The following ALDH2 variants were observed in gnomAD, a reference collection of about 807,000 sequenced individuals.
ALDH2 encodes the protein aldehyde dehydrogenase 2 family member, also known as aldehyde dehydrogenase, mitochondrial.
Under a neutral mutation model 59.6 loss-of-function variants are expected in ALDH2, and 44 were observed. The ratio of observed to expected loss-of-function variants is 0.74; its 90% CI spans 0.58 to 0.95. ALDH2 has a LOEUF of 0.95. ALDH2 is among the 40% of genes least tolerant of loss of function. The pLI, the probability that ALDH2 is intolerant of heterozygous loss-of-function variation, is 0.00. For missense variants in ALDH2, 570 were observed against 696.3 expected (o/e 0.82, Z 2.04); for synonymous variants, 291 against 284.0 (o/e 1.02, Z -0.25).
At chr12:111,774,138 T>C (rs775000726) in intron 1 of ALDH2, among the ~76,000 whole-genome samples, 19 of 152,056 alleles carry the variant, frequency 1.2e-4, no homozygotes, top group Non-Finnish European at 1.9e-4. Flanking sequence ...ACTCCCATCT[T>C]TGAAGTGGTG....
At chr12:111,797,934 C>A in intron 9 of ALDH2, 144 bp from the exon 10 acceptor site, 2 of 900,542 alleles carry the variant, frequency 2.2e-6, no homozygotes, top group Non-Finnish European at 1.7e-6. Context: ...TGCTATTGGC[C>A]CTGTGTGTTT....
At chr12:111,769,507 C>T (rs1376849920) in intron 1 of ALDH2, among the ~76,000 whole-genome samples, 1 of 151,718 alleles carries the variant, frequency 6.6e-6, no homozygotes, top group East Asian at 1.9e-4. Flanking sequence ...CTCTTGTAGA[C>T]ATTTTGTTTG....
In ALDH2 at chr12:111,813,795, G is replaced by A. The variant is rs2068552199; in HGVS notation, c.*4220G>A. 1 of 152,322 alleles carries A rather than the reference G, an allele frequency of 6.6e-6. No homozygotes were observed. Among genetic ancestry groups the A allele is most frequent in the African/African-American group, 2.4e-5 (1 of 41,566 alleles). The allele number at this position is 152,322 out of a possible 1,614,324, so 9.4% of individuals were successfully genotyped here. A position where few individuals can be genotyped will look rare whatever the true frequency, so the allele number is the denominator to read the frequency against. ...TATAGAGAGAAGGTCGATTGCTGGG[G>A]GCCCTGGGAAGGGACCAAGGGGGAG... On this transcript the variant is annotated 3_prime_UTR_variant, in exon 13 of 13. Transcript: ENST00000261733.
intron 4 of ALDH2, among the ~76,000 whole-genome samples, chr12:111,789,111 A>G (rs1390415329): frequency 7.1e-6 from 1 of 141,090 alleles, no homozygotes; most frequent in African/African-American, 2.6e-5. Flanking sequence ...TCCGCCTCCC[A>G]GGTTTAAGCC....
intron 1 of ALDH2, chr12:111,775,727 C>CGAGCTT (rs1566181760): frequency 2.2e-6 from 1 of 454,352 alleles, no homozygotes; most frequent in Non-Finnish European, 4.4e-6. Flanking sequence ...TTATGTAAGT[C>CGAGCTT]GAGCTTCGGG....
At position 111,789,935 on chromosome 12, in the gene ALDH2, G is replaced by T. The variant is rs199847950; in HGVS notation, c.552+1G>T. ...GGGGGTGTGCGGGCAGATCATTCCG[G>T]TGAGTCCAGCCTCCCTGGAGTTTCT... is the stretch of plus-strand genomic sequence containing the variant. On this transcript the variant is annotated splice_donor_variant, in intron 5 of 12. Transcript: ENST00000261733. LOFTEE classifies it high-confidence loss of function. 5.3e-5 allele frequency: 86 copies of T among 1,613,588 alleles called. No homozygotes were observed. In the Admixed American group the frequency reaches 1.4e-3, roughly 27 times the overall value.
chr12:111,772,023 C>T (rs1234574111), intron 1 of ALDH2, among the ~76,000 whole-genome samples: 5 of 151,930 alleles, frequency 3.3e-5, no homozygotes, highest in Non-Finnish European at 4.4e-5. Context: ...CACTTTAACC[C>T]GGGAGGCAGA....
At chr12:111,787,160 C>G (rs149999328) in intron 4 of ALDH2, among the ~76,000 whole-genome samples, 2 of 151,956 alleles carry the variant, frequency 1.3e-5, no homozygotes, top group Admixed American at 1.3e-4. Flanking sequence ...GAGCCGAGAT[C>G]GTGCCATTGC....
chr12:111,782,077 C>T (rs777421828), intron 2 of ALDH2, 55 bp downstream of exon 2: 54 of 1,390,762 alleles, frequency 3.9e-5, no homozygotes, highest in East Asian at 2.1e-4. Context: ...CTATTTTATA[C>T]GTTTTTGTGT....
intron 8 of ALDH2, 96 bp from the exon 9 acceptor site, chr12:111,792,501 TA>T: frequency 7.2e-7 from 1 of 1,387,806 alleles, no homozygotes; most frequent in South Asian, 1.4e-5. Flanking sequence ...CATCAACCCT[TA>T]CAGTGGTGGG....
chr12:111,794,887 T>C (rs549576911), intron 9 of ALDH2, among the ~76,000 whole-genome samples: 31 of 152,292 alleles, frequency 2.0e-4, no homozygotes, highest in Non-Finnish European at 4.0e-4. Flanking sequence ...TACGATTCAG[T>C]GATTTTTAGT....
At position 111,783,281 on chromosome 12, in the gene ALDH2, G is replaced by A. The variant is rs376099569; in HGVS notation, c.343G>A (p.Asp115Asn). The change falls in exon 3 of 13, where the codon GAC becomes AAC. Residue 115 changes from aspartate (D) to asparagine (N), a missense_variant. Coordinates refer to ENST00000261733, the MANE Select transcript of ALDH2 (RefSeq NM_000690.4). ...CCGCCTGGCCGATCTGATCGAGCGGGACCGGACCTACCTGGCGGTGAGTCC... is the reference window on the plus strand; with the variant it reads ...CCGCCTGGCCGATCTGATCGAGCGGAACCGGACCTACCTGGCGGTGAGTCC... ...LNRLADLIER[D>N]RTYLAALETL... The A allele has an allele frequency of 2.4e-5, 39 of 1,609,178 alleles. No homozygotes were observed. Among genetic ancestry groups the A allele is most frequent in the Middle Eastern group, 1.7e-4 (1 of 5,990 alleles).
chr12:111,784,847 G>A (rs920352012), intron 3 of ALDH2, among the ~76,000 whole-genome samples: 2 of 151,966 alleles, frequency 1.3e-5, no homozygotes, highest in Non-Finnish European at 2.9e-5. Flanking sequence ...CACCTGCCTC[G>A]GCCTCCCAAA....
Position 111,809,689 on chromosome 12 carries a change from A to G in ALDH2, c.*114A>G. 1.6e-6 allele frequency: 2 copies of G among 1,214,650 alleles called. No homozygotes were observed. Among genetic ancestry groups the G allele is most frequent in the South Asian group, 1.3e-5 (1 of 76,766 alleles). 75.2% of individuals were successfully genotyped at this position (1,214,650 alleles called of 1,614,324 possible). A position where few individuals can be genotyped will look rare whatever the true frequency, so the allele number is the denominator to read the frequency against. ...ATATCTGAAAAGAGAAATTTTTCCT[A>G]CAAAATCTCTTGGGTCAAGAAAGTT... On this transcript the variant is annotated 3_prime_UTR_variant, in exon 13 of 13. Transcript: ENST00000261733.
At chr12:111,804,309 C>A (rs1015965093) in intron 12 of ALDH2, among the ~76,000 whole-genome samples, 1 of 152,166 alleles carries the variant, frequency 6.6e-6, no homozygotes, top group Non-Finnish European at 1.5e-5. Context: ...TACTGAGGGA[C>A]GTGCCCCCAT....
intron 2 of ALDH2, among the ~76,000 whole-genome samples, 156 bp from the exon 3 acceptor site, chr12:111,783,002 A>G (rs1048893609): frequency 6.6e-6 from 1 of 152,186 alleles, no homozygotes; most frequent in African/African-American, 2.4e-5. Flanking sequence ...TCTGGTGCTC[A>G]TCAGGGCTCT....
chr12:111,789,603 T>G (rs553345524), intron 4 of ALDH2, among the ~76,000 whole-genome samples: 1 of 152,214 alleles, frequency 6.6e-6, no homozygotes, highest in Admixed American at 6.5e-5. Flanking sequence ...GATCTGGTGT[T>G]TTTTACAAGA....
In ALDH2 at chr12:111,799,914, G is replaced by A. The variant is rs764022056; in HGVS notation, c.1257G>A (p.Gly419=). Reference sequence around the variant, plus strand: ...CTGCTCTCTCACTCCAGATCTTCGGGCCAGTGATGCAGATCCTGAAGTTCA... The same window carrying A: ...CTGCTCTCTCACTCCAGATCTTCGGACCAGTGATGCAGATCCTGAAGTTCA... ...GMTIAKEEIF[G]PVMQILKFKT... Residue 419 remains glycine, a synonymous_variant, in exon 11 of 13, where the codon GGG becomes GGA. Transcript: ENST00000261733. 5.0e-6 allele frequency: 8 copies of A among 1,613,556 alleles called. No homozygotes were observed. The South Asian group carries it at 7.7e-5, about 16-fold the overall frequency.
At position 111,815,996 on chromosome 12, in the gene ALDH2, T is replaced by C. The variant is rs2068567482; in HGVS notation, c.*6421T>C. 1 of 152,118 alleles carries C rather than the reference T, an allele frequency of 6.6e-6. No homozygotes were observed. Among genetic ancestry groups the C allele is most frequent in the African/African-American group, 2.4e-5 (1 of 41,428 alleles). The allele number at this position is 152,118 out of a possible 1,614,324, so 9.4% of individuals were successfully genotyped here. On this transcript the variant is annotated 3_prime_UTR_variant, in exon 13 of 13. Transcript: ENST00000261733. ...ACATTTGAAGTAACCTCTCTGATAG[T>C]ACGGATATTTATCCCCTCAAAATCT... is the stretch of plus-strand genomic sequence containing the variant.
Sources: allele counts gnomAD v4.1 joint callset (sites outside exome capture counted in the v4.1 genomes callset), GRCh38; gene constraint gnomAD v4.1.1; transcripts MANE v1.5; gene names NCBI Gene and HGNC (gene_info 2026-07-23, HGNC 2026-07-21).